The following PLXND1 variants were observed in gnomAD, a reference collection of about 807,000 sequenced individuals.
The protein encoded by PLXND1 is plexin-D1.
A neutral mutation model predicts 197.7 loss-of-function variants in PLXND1; 54 were observed. The ratio of observed to expected loss-of-function variants is 0.27; its 90% CI spans 0.22 to 0.34. The LOEUF (loss-of-function observed/expected upper bound fraction) is 0.34. PLXND1 is among the 10% of genes least tolerant of loss of function. PLXND1 has a pLI of 1.00. For synonymous variants in PLXND1, 1,180 were observed against 1,161.2 expected, an observed-to-expected ratio of 1.02 and a Z score of -0.33; for missense variants, 2,127 against 2,699.2, an observed-to-expected ratio of 0.79 and a Z score of 4.70.
At chr3:129,597,368 A>G (rs1242854435) in intron 1 of PLXND1, among the ~76,000 whole-genome samples, 1 of 152,232 alleles carries the variant, frequency 6.6e-6, no homozygotes, top group East Asian at 1.9e-4. Context: ...GGCTGCTTCT[A>G]GAGAGCTCAG....
intron 1 of PLXND1, among the ~76,000 whole-genome samples, chr3:129,592,856 G>A (rs927264345): frequency 1.3e-5 from 2 of 152,150 alleles, no homozygotes; most frequent in Non-Finnish European, 2.9e-5. Flanking sequence ...CCAGCGTGGC[G>A]GGAAGTGCCG....
At chr3:129,602,917 T>C (rs2085731768) in intron 1 of PLXND1, among the ~76,000 whole-genome samples, 1 of 152,152 alleles carries the variant, frequency 6.6e-6, no homozygotes, top group South Asian at 2.1e-4. Context: ...GAGGTTAAGT[T>C]CCTTGGCCAA....
intron 30 of PLXND1, 120 bp downstream of exon 30, chr3:129,560,569 C>G (rs1239566449): frequency 3.1e-6 from 3 of 967,630 alleles, no homozygotes; most frequent in Non-Finnish European, 4.9e-6. Context: ...TCCCTACTCC[C>G]CCACCCCCCA....
intron 8 of PLXND1, among the ~76,000 whole-genome samples, chr3:129,583,046 G>C (rs2085407087): frequency 6.6e-6 from 1 of 152,208 alleles, no homozygotes; most frequent in East Asian, 1.9e-4. Flanking sequence ...TTTCCACCCA[G>C]TTCCTGATTT....
intron 1 of PLXND1, among the ~76,000 whole-genome samples, chr3:129,590,510 C>T (rs1274991165): frequency 1.3e-5 from 2 of 152,194 alleles, no homozygotes; most frequent in African/African-American, 4.8e-5. Context: ...TCGGATGGGA[C>T]TGAGTGCGTC....
At chr3:129,576,223 C>T (rs1157135571) in intron 9 of PLXND1, among the ~76,000 whole-genome samples, 1 of 152,236 alleles carries the variant, frequency 6.6e-6, no homozygotes, top group African/African-American at 2.4e-5. Flanking sequence ...CCTACCAGGC[C>T]CTGCTCAGAC....
intron 2 of PLXND1, among the ~76,000 whole-genome samples, chr3:129,586,977 T>C (rs1398115995): frequency 1.3e-5 from 2 of 152,170 alleles, no homozygotes; most frequent in Non-Finnish European, 2.9e-5. Context: ...GCAGGCTTTG[T>C]AGTTTACGAA....
intron 34 of PLXND1, 122 bp from the exon 35 acceptor site, chr3:129,556,813 G>C: frequency 2.6e-6 from 2 of 771,800 alleles, no homozygotes; most frequent in Admixed American, 4.3e-5. Context: ...ACAGTTCAGC[G>C]ATGAGGCCCC....
chr3:129,603,331 G>C lies in PLXND1; in HGVS notation c.1311+1998C>G, dbSNP rs549352966. On this transcript the variant is annotated intron_variant, in intron 1 of 35. Coordinates refer to ENST00000324093, the MANE Select transcript of PLXND1 (RefSeq NM_015103.3). ...CCTCAGCTGGGTGAGTCACTGCACC[G>C]AGGGAGCGGACCGTGGGAACCAGAA... Among the ~76,000 whole-genome samples, 4 of 152,324 alleles carry C rather than the reference G, an allele frequency of 2.6e-5. No homozygotes were observed. The South Asian group carries it at 6.2e-4, about 24-fold the overall frequency.
chr3:129,555,486 C>T lies in PLXND1; in HGVS notation c.*826G>A. On this transcript the variant is annotated 3_prime_UTR_variant, in exon 36 of 36. Transcript: ENST00000324093. Reference sequence around the variant, plus strand: ...CTCTCGGGACCCCTCCCCGGGTCCTCTGCGCAAGCGGCAGCTATTCACAGT... The same window carrying T: ...CTCTCGGGACCCCTCCCCGGGTCCTTTGCGCAAGCGGCAGCTATTCACAGT... 1 of 681,480 alleles carries T rather than the reference C, an allele frequency of 1.5e-6. No individual in the cohort carries two copies. Among genetic ancestry groups the T allele is most frequent in the Middle Eastern group, 2.7e-4 (1 of 3,728 alleles). The allele number at this position is 681,480 out of a possible 1,614,324, so 42.2% of individuals were successfully genotyped here.
chr3:129,565,511 G>A lies in PLXND1; in HGVS notation c.4350C>T (p.Ile1450=), dbSNP rs748404760. ...DRCSLASLLT[I]ALHGKLEYYT... ...AGTACTCCAGCTTGCCGTGCAGCGCGATGGTCAGCAGCGAGGCCAGGCTGC... is the reference window on the plus strand; with the variant it reads ...AGTACTCCAGCTTGCCGTGCAGCGCAATGGTCAGCAGCGAGGCCAGGCTGC... The change falls in exon 25 of 36, where the codon ATC becomes ATT. Residue 1450 remains isoleucine, a synonymous_variant. Transcript: ENST00000324093. The A allele has an allele frequency of 2.2e-5, 35 of 1,613,616 alleles. No homozygotes were observed. The highest frequency in any genetic ancestry group is 3.3e-5 in the South Asian group (3 of 91,080).
chr3:129,569,628 A>G (rs2085193203), intron 20 of PLXND1: 2 of 552,862 alleles, frequency 3.6e-6, no homozygotes, highest in Middle Eastern at 4.8e-4. Flanking sequence ...TGGGCCTAGC[A>G]TATCCCCTGG....
At chr3:129,595,921 G>GCACACACACACACACACACACACACA (rs57098603) in intron 1 of PLXND1, among the ~76,000 whole-genome samples, 11 of 146,410 alleles carry the variant, frequency 7.5e-5, no homozygotes, top group African/African-American at 1.3e-4. Flanking sequence ...GTGCACGCAC[G>GCACACACACACACACACACACACACA]CACACACACA....
At chr3:129,582,106 C>A (rs1344277686) in intron 8 of PLXND1, among the ~76,000 whole-genome samples, 1 of 152,258 alleles carries the variant, frequency 6.6e-6, no homozygotes, top group African/African-American at 2.4e-5. Flanking sequence ...GTGCTGGAAG[C>A]CCCCTGCTGC....
At chr3:129,600,844 C>T (rs150040081) in intron 1 of PLXND1, among the ~76,000 whole-genome samples, 128 of 152,170 alleles carry the variant, frequency 8.4e-4, no homozygotes, top group Non-Finnish European at 1.6e-3. Context: ...AAAAAAATGT[C>T]TTCTTGACGA....
Position 129,558,276 on chromosome 3 carries a change from A to G in PLXND1, c.5445+152T>C. The G allele has an allele frequency of 1.4e-6, 1 of 705,174 alleles. No homozygotes were observed. The highest frequency in any genetic ancestry group is 2.4e-6 in the Non-Finnish European group (1 of 420,664). The allele number at this position is 705,174 out of a possible 1,614,324, so 43.7% of individuals were successfully genotyped here. On this transcript the variant is annotated intron_variant, in intron 33 of 35. Coordinates refer to ENST00000324093, the MANE Select transcript of PLXND1 (RefSeq NM_015103.3). This position sits in a 1 kb window ranked among gnomAD's most constrained non-coding sequence, Gnocchi z 4.1. ...AGGTGTCTCCCTGTCTGAATGAGTCACTCATCCCACATCCCCTAGACCTGA... is the reference window on the plus strand; with the variant it reads ...AGGTGTCTCCCTGTCTGAATGAGTCGCTCATCCCACATCCCCTAGACCTGA...
At chr3:129,595,921 G>GCGCGCACACACACACA (rs138452605) in intron 1 of PLXND1, among the ~76,000 whole-genome samples, 45 of 146,512 alleles carry the variant, frequency 3.1e-4, no homozygotes, top group South Asian at 8.8e-4. Flanking sequence ...GTGCACGCAC[G>GCGCGCACACACACACA]CACACACACA....
At chr3:129,602,694 G>A (rs2085727320) in intron 1 of PLXND1, among the ~76,000 whole-genome samples, 1 of 152,178 alleles carries the variant, frequency 6.6e-6, no homozygotes, top group Non-Finnish European at 1.5e-5. Flanking sequence ...GAACAAGCCA[G>A]ATTAGGCAAC....
intron 8 of PLXND1, among the ~76,000 whole-genome samples, chr3:129,580,681 C>T (rs988295713): frequency 6.6e-6 from 1 of 152,094 alleles, no homozygotes; most frequent in Non-Finnish European, 1.5e-5. Context: ...ATGCTCACCC[C>T]CATTCTAGAG....
Sources: gnomAD v4.1 joint callset for allele counts (sites outside exome capture counted in the v4.1 genomes callset) on GRCh38, gnomAD v4.1.1 for gene constraint, Gnocchi (gnomAD v3.1) non-coding constraint, MANE v1.5 for transcripts, NCBI Gene and HGNC (gene_info 2026-07-23, HGNC 2026-07-21) for gene names.